NGLY1: variants seen among roughly 807,000 people sequenced by gnomAD.
The protein encoded by NGLY1 is N-glycanase 1, also known as peptide-N(4)-(N-acetyl-beta-glucosaminyl)asparagine amidase.
In NGLY1, 68 loss-of-function variants were observed where a neutral mutation model predicts 84.6. The ratio of observed to expected loss-of-function variants is 0.80; its 90% CI spans 0.66 to 0.98. NGLY1 has a LOEUF of 0.98. Among genes scored for constraint, NGLY1 ranks in the 50% least tolerant of loss-of-function variants. The probability of loss-of-function intolerance (pLI) is 0.00; values close to 1 mark genes in which losing one functional copy is unlikely to be tolerated. For synonymous variants in NGLY1, 280 were observed against 275.2 expected (o/e 1.02, Z -0.17); for missense variants, 779 against 770.2 (o/e 1.01, Z -0.14).
intron 11 of NGLY1, 35 bp downstream of exon 11, chr3:25,719,979 A>G (rs1559525796): frequency 6.4e-7 from 1 of 1,565,698 alleles, no homozygotes; most frequent in Non-Finnish European, 8.7e-7. Context: ...TGGTAAATAT[A>G]TATTTCGTGA....
At chr3:25,771,665 T>C (rs528483500) in intron 2 of NGLY1, among the ~76,000 whole-genome samples, 2 of 152,346 alleles carry the variant, frequency 1.3e-5, no homozygotes, top group South Asian at 4.1e-4. Flanking sequence ...TCCATGAGTA[T>C]GGGATGTGTT....
At chr3:25,750,364 T>C (rs977490811) in intron 4 of NGLY1, among the ~76,000 whole-genome samples, 2 of 152,160 alleles carry the variant, frequency 1.3e-5, no homozygotes, top group African/African-American at 4.8e-5. Context: ...GGATGAACCC[T>C]GAGGTTCATT....
intron 4 of NGLY1, among the ~76,000 whole-genome samples, chr3:25,747,425 C>T (rs1706493331): frequency 6.6e-6 from 1 of 152,138 alleles, no homozygotes; most frequent in Non-Finnish European, 1.5e-5. Flanking sequence ...AGAAGTAAAT[C>T]TAAGGCCCAA....
At chr3:25,778,816 CA>C (rs1708268699) in intron 1 of NGLY1, 128 bp from the exon 2 acceptor site, 1 of 451,752 alleles carries the variant, frequency 2.2e-6, no homozygotes, top group East Asian at 3.5e-5. Context: ...TTCCCTAAAC[CA>C]ATGGTTGTTT....
intron 4 of NGLY1, among the ~76,000 whole-genome samples, chr3:25,741,926 GGGAGGC>G (rs1706168485): frequency 6.6e-6 from 1 of 152,102 alleles, no homozygotes; most frequent in Admixed American, 6.5e-5. Flanking sequence ...ACTTGAACCT[GGGAGGC>G]GGAGGTTGCA....
chr3:25,783,091 GC>G lies in NGLY1; in HGVS notation c.131+168del. The G allele has an allele frequency of 1.7e-6, 1 of 594,856 alleles. No homozygotes were observed. Among genetic ancestry groups the G allele is most frequent in the Non-Finnish European group, 2.9e-6 (1 of 346,702 alleles). The allele number at this position is 594,856 out of a possible 1,614,324, so 36.8% of individuals were successfully genotyped here. A position where few individuals can be genotyped will look rare whatever the true frequency, so the allele number is the denominator to read the frequency against. ...GGGTGGGACTTGGCCGGGTCCCGAG[GC>G]CCCTGGCCGGCGGGCTCGGACGTTA... On this transcript the variant is annotated intron_variant, in intron 1 of 11. Transcript: ENST00000280700. The surrounding 1 kb of genome is among the most constrained non-coding windows in gnomAD (Gnocchi z 4.5).
intron 2 of NGLY1, among the ~76,000 whole-genome samples, chr3:25,774,538 C>A (rs1242886112): frequency 6.6e-6 from 1 of 152,080 alleles, no homozygotes; most frequent in African/African-American, 2.4e-5. Flanking sequence ...ACAGCTATCT[C>A]TGCTGCATCA....
chr3:25,765,409 G>A (rs1412357985), intron 2 of NGLY1, among the ~76,000 whole-genome samples: 2 of 149,592 alleles, frequency 1.3e-5, no homozygotes, highest in Non-Finnish European at 3.0e-5. Flanking sequence ...AGCTGAGATC[G>A]TGCCACTGCA....
chr3:25,736,705 A>G (rs528177203), intron 6 of NGLY1: 16 of 236,650 alleles, frequency 6.8e-5, no homozygotes, highest in African/African-American at 3.6e-4. Flanking sequence ...ATATCACATG[A>G]CTTTTATTAT....
intron 1 of NGLY1, among the ~76,000 whole-genome samples, chr3:25,782,502 C>T (rs1288506646): frequency 6.6e-6 from 1 of 152,142 alleles, no homozygotes; most frequent in East Asian, 1.9e-4. Flanking sequence ...AATAATCAAA[C>T]TTGCCTCCCA....
Position 25,732,375 on chromosome 3 carries a change from C to A in NGLY1, c.1369G>T (p.Gly457Ter). Reference sequence around the variant, plus strand: ...CAAGCCACTGACCCAGATATTCTTCCCCCAAGTTCTCCAGGTTTAGGGGTT... The same window carrying A: ...CAAGCCACTGACCCAGATATTCTTCACCCAAGTTCTCCAGGTTTAGGGGTT... ...PKTPKPGELG[G>*]RISGSVAWRV... The change falls in exon 9 of 12, where the codon GGA becomes TGA. Residue 457 changes from glycine (G) to a stop codon, truncating the protein, a stop_gained. Transcript: ENST00000280700. LOFTEE classifies it high-confidence loss of function. 1 of 1,613,746 alleles carries A rather than the reference C, an allele frequency of 6.2e-7. No individual in the cohort carries two copies. Among genetic ancestry groups the A allele is most frequent in the Non-Finnish European group, 8.5e-7 (1 of 1,179,746 alleles).
At chr3:25,765,250 A>C (rs946742175) in intron 2 of NGLY1, among the ~76,000 whole-genome samples, 2 of 151,980 alleles carry the variant, frequency 1.3e-5, no homozygotes, top group Admixed American at 6.6e-5. Flanking sequence ...ACCTGAGGTC[A>C]GGGGTTCGAG....
intron 4 of NGLY1, among the ~76,000 whole-genome samples, chr3:25,745,662 T>C (rs1474303070): frequency 6.6e-6 from 1 of 152,212 alleles, no homozygotes; most frequent in East Asian, 1.9e-4. Flanking sequence ...TCCCTTGTAA[T>C]CTCAACCCTC....
intron 2 of NGLY1, among the ~76,000 whole-genome samples, chr3:25,777,395 C>CAAAAAA: frequency 1.1e-5 from 1 of 87,444 alleles, no homozygotes; most frequent in East Asian, 3.7e-4. Context: ...AACTCCATCT[C>CAAAAAA]AAAAAAAAAA....
upstream of NGLY1, among the ~76,000 whole-genome samples, chr3:25,788,280 C>T (rs142689618): frequency 1.8e-3 from 273 of 152,270 alleles, no homozygotes; most frequent in African/African-American, 6.2e-3. Flanking sequence ...GTGGCAAGCT[C>T]ATTTAATAGA....
At chr3:25,720,754 T>C (rs1251302871) in intron 10 of NGLY1, among the ~76,000 whole-genome samples, 4 of 152,194 alleles carry the variant, frequency 2.6e-5, no homozygotes, top group African/African-American at 9.7e-5. Context: ...ATGTATACTA[T>C]TTAAGGCATC....
intron 10 of NGLY1, among the ~76,000 whole-genome samples, chr3:25,722,285 A>ATATG (rs1705039538): frequency 6.6e-6 from 1 of 151,456 alleles, no homozygotes; most frequent in Non-Finnish European, 1.5e-5. Context: ...ATATATATAT[A>ATATG]TATATATTCA....
intron 4 of NGLY1, among the ~76,000 whole-genome samples, chr3:25,740,539 CAG>C (rs1045108244): frequency 6.6e-5 from 10 of 152,038 alleles, no homozygotes; most frequent in African/African-American, 2.4e-4. Flanking sequence ...ATGATTAAAA[CAG>C]AGTGATAATA....
chr3:25,761,578 T>C (rs1332024895), intron 3 of NGLY1, among the ~76,000 whole-genome samples: 3 of 152,200 alleles, frequency 2.0e-5, no homozygotes, highest in Admixed American at 2.0e-4. Context: ...GTGAGGATAC[T>C]AAGAAACGGG....
Sources: gnomAD v4.1 joint callset for allele counts (sites outside exome capture counted in the v4.1 genomes callset) on GRCh38, gnomAD v4.1.1 for gene constraint, Gnocchi (gnomAD v3.1) non-coding constraint, MANE v1.5 for transcripts, NCBI Gene and HGNC (gene_info 2026-07-23, HGNC 2026-07-21) for gene names.